C3orf70: variants seen among roughly 807,000 people sequenced by gnomAD.
The protein encoded by C3orf70 is chromosome 3 open reading frame 70, also known as UPF0524 protein C3orf70.
C3orf70 carries 15 observed loss-of-function variants against 20.7 expected under a neutral mutation model. That is an observed-to-expected ratio of 0.72 (90% confidence interval 0.48 to 1.11). The LOEUF (loss-of-function observed/expected upper bound fraction) is 1.11. Ranked by LOEUF, C3orf70 falls within the 50% of genes most tolerant of loss-of-function variation. The pLI is 0.00. For synonymous variants in C3orf70, 161 were observed against 125.7 expected, an observed-to-expected ratio of 1.28 and a Z score of -1.88; for missense variants, 332 against 317.6, an observed-to-expected ratio of 1.05 and a Z score of -0.34.
In C3orf70 at chr3:185,152,870, G is replaced by A. The variant is rs368044854; in HGVS notation, c.-47C>T. 7.5e-4 allele frequency: 1,087 copies of A among 1,448,868 alleles called. 4 individuals carry two copies. Among genetic ancestry groups the A allele is most frequent in the South Asian group, 1.3e-3 (90 of 71,236 alleles). The allele number at this position is 1,448,868 out of a possible 1,614,324, so 89.8% of individuals were successfully genotyped here. ...CCGACACCGGGAGCCCGGGAGAAGC[G>A]ACGTCTGGGTGGGCAGGAAGCCGAG... is the stretch of plus-strand genomic sequence containing the variant. On this transcript the variant is annotated 5_prime_UTR_variant, in exon 1 of 2. Coordinates refer to ENST00000335012, the MANE Select transcript of C3orf70 (RefSeq NM_001025266.3).
At chr3:185,117,888 T>C (rs1431158361) in intron 1 of C3orf70, among the ~76,000 whole-genome samples, 1 of 152,196 alleles carries the variant, frequency 6.6e-6, no homozygotes, top group Non-Finnish European at 1.5e-5. Flanking sequence ...CAGTACAATT[T>C]TGTATAATCT....
chr3:185,135,448 C>T (rs1055812203), intron 1 of C3orf70, among the ~76,000 whole-genome samples: 9 of 152,172 alleles, frequency 5.9e-5, no homozygotes, highest in African/African-American at 2.2e-4. Context: ...TGATGAAACC[C>T]TGTCTCTACT....
intron 1 of C3orf70, among the ~76,000 whole-genome samples, chr3:185,123,330 G>A (rs771312966): frequency 6.6e-6 from 1 of 151,808 alleles, no homozygotes; most frequent in East Asian, 1.9e-4. Context: ...TTGAGATCTC[G>A]GCTCTTTGAA....
rs1238707987 is a variant in C3orf70 at position 185,081,353 on chromosome 3, G to GT, written c.*1653dup. ...CGCTTGACCCCAGGAGGCAGAGGTT[G>GT]TAGAGAGCCAAGATCACGCCGCTGC... On this transcript the variant is annotated 3_prime_UTR_variant, in exon 2 of 2. Coordinates refer to ENST00000335012, the MANE Select transcript of C3orf70 (RefSeq NM_001025266.3). 1 of 152,158 alleles carries GT rather than the reference G, an allele frequency of 6.6e-6. No homozygotes were observed. Among genetic ancestry groups the GT allele is most frequent in the African/African-American group, 2.4e-5 (1 of 41,378 alleles). 9.4% of individuals were successfully genotyped at this position (152,158 alleles called of 1,614,324 possible). A position where few individuals can be genotyped will look rare whatever the true frequency, so the allele number is the denominator to read the frequency against.
At chr3:185,134,388 A>G (rs186462190) in intron 1 of C3orf70, among the ~76,000 whole-genome samples, 1 of 152,310 alleles carries the variant, frequency 6.6e-6, no homozygotes, top group African/African-American at 2.4e-5. Context: ...CATTACATAT[A>G]AAACAAACAG....
intron 1 of C3orf70, among the ~76,000 whole-genome samples, chr3:185,088,814 G>GTGTT (rs1715509362): frequency 6.6e-6 from 1 of 152,048 alleles, no homozygotes; most frequent in African/African-American, 2.4e-5. Flanking sequence ...TATTACTGTG[G>GTGTT]TGTTTGCCAA....
chr3:185,103,402 G>A (rs1715859319), intron 1 of C3orf70, among the ~76,000 whole-genome samples: 3 of 152,010 alleles, frequency 2.0e-5, no homozygotes, highest in African/African-American at 7.2e-5. Flanking sequence ...ACTATCAACG[G>A]AGTAAACAGA....
At chr3:185,151,768 A>C (rs1208146818) in intron 1 of C3orf70, among the ~76,000 whole-genome samples, 4 of 152,226 alleles carry the variant, frequency 2.6e-5, no homozygotes, top group Admixed American at 2.6e-4. Context: ...TGTGGAAACT[A>C]ACTTTAGAAT....
rs1716509704 is a variant in C3orf70 at position 185,130,841 on chromosome 3, TA to T, written c.196+21786del. ...TAATAGTCCATCTGTGTATTTTCCA[TA>T]CCTTGTTTATCCATTCATCAATTAA... On this transcript the variant is annotated intron_variant, in intron 1 of 1. Transcript: ENST00000335012. Among the ~76,000 whole-genome samples the T allele has an allele frequency of 5.3e-5, 8 of 152,378 alleles. No individual in the cohort carries two copies. The South Asian group carries it at 1.7e-3, about 32-fold the overall frequency.
At chr3:185,110,020 C>A (rs761856515) in intron 1 of C3orf70, among the ~76,000 whole-genome samples, 1 of 152,168 alleles carries the variant, frequency 6.6e-6, no homozygotes, top group Non-Finnish European at 1.5e-5. Context: ...CTATGTTCAG[C>A]TGGTCTGAAC....
At chr3:185,122,550 A>C (rs1716326191) in intron 1 of C3orf70, among the ~76,000 whole-genome samples, 1 of 152,248 alleles carries the variant, frequency 6.6e-6, no homozygotes, top group Admixed American at 6.5e-5. Flanking sequence ...TTTGGAAATT[A>C]AGTATGGTTT....
At chr3:185,150,252 G>T (rs1026127323) in intron 1 of C3orf70, among the ~76,000 whole-genome samples, 1 of 152,190 alleles carries the variant, frequency 6.6e-6, no homozygotes, top group Admixed American at 6.5e-5. Flanking sequence ...AGTTCTACCC[G>T]CAAGCTTCAG....
chr3:185,143,921 G>A (rs75085024), intron 1 of C3orf70, among the ~76,000 whole-genome samples: 2,548 of 151,878 alleles, frequency 0.017, 75 homozygotes, highest in African/African-American at 0.058. Flanking sequence ...CTTAACAATG[G>A]AGGAAAACAG....
At position 185,094,659 on chromosome 3, in the gene C3orf70, T is replaced by TA. The variant is rs772826039; in HGVS notation, c.197-11097dup. On this transcript the variant is annotated intron_variant, in intron 1 of 1. Coordinates refer to ENST00000335012, the MANE Select transcript of C3orf70 (RefSeq NM_001025266.3). ...GAGTTTTTAGAAACTTCTGGTAGAT[T>TA]AAAAAAAAAAAAAATCTCCTAGGCT... Among the ~76,000 whole-genome samples, 422 of 144,218 alleles carry TA rather than the reference T, an allele frequency of 2.9e-3. 1 individual carries two copies. The highest frequency in any genetic ancestry group is 5.0e-3 in the African/African-American group (196 of 39,320). 94.6% of individuals were successfully genotyped at this position (144,218 alleles called of 152,430 possible).
At chr3:185,139,550 C>CA (rs35792284) in intron 1 of C3orf70, among the ~76,000 whole-genome samples, 85,734 of 135,546 alleles carry the variant, frequency 0.63, 27,213 homozygotes, top group Non-Finnish European at 0.72. Context: ...AAGACTGTCT[C>CA]AAAAAAAAAA....
chr3:185,146,303 T>C (rs1280511326), intron 1 of C3orf70, among the ~76,000 whole-genome samples: 1 of 92,150 alleles, frequency 1.1e-5, no homozygotes, highest in African/African-American at 4.0e-5. Context: ...TTTTTTTTTT[T>C]TGAGAGGGAG....
intron 1 of C3orf70, among the ~76,000 whole-genome samples, chr3:185,130,708 A>T (rs1407552572): frequency 6.6e-6 from 1 of 152,156 alleles, no homozygotes; most frequent in Non-Finnish European, 1.5e-5. Flanking sequence ...GTGGAATCAT[A>T]CGATATGTTA....
chr3:185,125,249 C>T (rs970318543), intron 1 of C3orf70, among the ~76,000 whole-genome samples: 38 of 152,048 alleles, frequency 2.5e-4, no homozygotes, highest in African/African-American at 8.0e-4. Context: ...TGTGGTGGAG[C>T]ATGCCTGTAA....
At chr3:185,111,238 T>C (rs13079507) in intron 1 of C3orf70, among the ~76,000 whole-genome samples, 9,020 of 152,198 alleles carry the variant, frequency 0.059, 373 homozygotes, top group South Asian at 0.11. Flanking sequence ...AAAAAGTAAA[T>C]TTGATTTCAT....
Sources: allele counts gnomAD v4.1 joint callset (sites outside exome capture counted in the v4.1 genomes callset), GRCh38; gene constraint gnomAD v4.1.1; transcripts MANE v1.5; gene names NCBI Gene and HGNC (gene_info 2026-07-23, HGNC 2026-07-21).